The following ADIPOR2 variants were observed in gnomAD, a reference collection of about 807,000 sequenced individuals.
The protein encoded by ADIPOR2 is adiponectin receptor protein 2.
A neutral mutation model predicts 40.9 loss-of-function variants in ADIPOR2; 18 were observed. The observed-to-expected ratio is 0.44, with a 90% CI of 0.30 to 0.65. ADIPOR2 has a LOEUF of 0.65. Among genes scored for constraint, ADIPOR2 ranks in the 30% least tolerant of loss-of-function variants. ADIPOR2 has a pLI of 0.09. For missense variants in ADIPOR2, 283 were observed against 479.2 expected, an observed-to-expected ratio of 0.59 and a Z score of 3.82; for synonymous variants, 165 against 166.4, an observed-to-expected ratio of 0.99 and a Z score of 0.06.
chr12:1,719,391 G>A (rs2094693562), intron 1 of ADIPOR2, among the ~76,000 whole-genome samples: 1 of 152,130 alleles, frequency 6.6e-6, no homozygotes, highest in Non-Finnish European at 1.5e-5. Flanking sequence ...AACAGTTTAT[G>A]GCTCATTCAG....
chr12:1,784,243 T>G (rs570115231), intron 7 of ADIPOR2, among the ~76,000 whole-genome samples, 170 bp downstream of exon 7: 5 of 152,332 alleles, frequency 3.3e-5, no homozygotes, highest in African/African-American at 1.2e-4. Context: ...TAACTAACAT[T>G]TAGTGAGCAC....
At chr12:1,758,123 A>G in intron 2 of ADIPOR2, 2 of 474,692 alleles carry the variant, frequency 4.2e-6, no homozygotes, top group East Asian at 3.6e-5. Context: ...TTGTAATACT[A>G]TATATTTTTG....
chr12:1,749,186 C>T lies in ADIPOR2; in HGVS notation c.-86-5072C>T, dbSNP rs1012329548. Among the ~76,000 whole-genome samples, 4 of 152,198 alleles carry T rather than the reference C, an allele frequency of 2.6e-5. No homozygotes were observed. The East Asian group carries it at 7.7e-4, about 29-fold the overall frequency. ...GGAAGGGGTGTGAAACTTTCATGTC[C>T]TCCCTGGATGCTCCACCCACCAGGA... is the stretch of plus-strand genomic sequence containing the variant. On this transcript the variant is annotated intron_variant, in intron 1 of 7. Transcript: ENST00000357103.
intron 1 of ADIPOR2, among the ~76,000 whole-genome samples, chr12:1,741,536 C>T (rs1011230926): frequency 1.3e-5 from 2 of 152,054 alleles, no homozygotes; most frequent in African/African-American, 4.8e-5. Context: ...TAGATGATTG[C>T]TGCAGCAGCA....
At chr12:1,773,518 T>A in intron 3 of ADIPOR2, among the ~76,000 whole-genome samples, 1 of 23,518 alleles carries the variant, frequency 4.3e-5, no homozygotes, top group Admixed American at 5.1e-4. Flanking sequence ...ATGGGATTCT[T>A]TTTTTTTTTT....
At chr12:1,774,915 G>A (rs1444452940) in intron 3 of ADIPOR2, among the ~76,000 whole-genome samples, 1 of 127,374 alleles carries the variant, frequency 7.9e-6, no homozygotes, top group Non-Finnish European at 1.7e-5. Context: ...ATGTTGGCCA[G>A]GATGGTCTCC....
intron 1 of ADIPOR2, among the ~76,000 whole-genome samples, chr12:1,694,272 C>T (rs1337912207): frequency 6.6e-6 from 1 of 152,210 alleles, no homozygotes; most frequent in East Asian, 1.9e-4. Flanking sequence ...AGAGCCTCTA[C>T]TTACATTATT....
At chr12:1,766,850 G>A (rs1041836000) in intron 2 of ADIPOR2, among the ~76,000 whole-genome samples, 3 of 152,074 alleles carry the variant, frequency 2.0e-5, no homozygotes, top group Admixed American at 6.5e-5. Context: ...CTGTTAAACT[G>A]GTTTACTTTA....
rs189338046 is a variant in ADIPOR2, at chr12:1,742,560, G to C, written c.-86-11698G>C. ...ATCCTTTGGTATCCATGGGGGATTG[G>C]TTCCAGGACCTCCCATGGATACCAA... On this transcript the variant is annotated intron_variant, in intron 1 of 7. Transcript: ENST00000357103. Among the ~76,000 whole-genome samples the C allele has an allele frequency of 3.3e-3, 497 of 152,278 alleles. 4 individuals carry two copies. The highest frequency in any genetic ancestry group is 9.1e-3 in the South Asian group (44 of 4,828).
intron 1 of ADIPOR2, among the ~76,000 whole-genome samples, chr12:1,744,341 T>C (rs533221286): frequency 4.6e-5 from 7 of 152,280 alleles, no homozygotes; most frequent in Non-Finnish European, 2.9e-5. Flanking sequence ...CCTGACATTG[T>C]GATCTGCCCG....
At chr12:1,709,367 A>C (rs2094671420) in intron 1 of ADIPOR2, among the ~76,000 whole-genome samples, 1 of 152,068 alleles carries the variant, frequency 6.6e-6, no homozygotes, top group Non-Finnish European at 1.5e-5. Flanking sequence ...TTACATGGGA[A>C]TTTTTTTAAA....
intron 3 of ADIPOR2, among the ~76,000 whole-genome samples, chr12:1,774,798 G>A (rs547633997): frequency 2.6e-5 from 4 of 152,304 alleles, no homozygotes; most frequent in Admixed American, 6.5e-5. Context: ...TCCAACTCCC[G>A]GGTTCAAGTG....
Position 1,755,904 on chromosome 12 carries a change from T to C in ADIPOR2, c.171+1390T>C, listed in dbSNP as rs189880463. Among the ~76,000 whole-genome samples, 209 of 152,262 alleles carry C rather than the reference T, an allele frequency of 1.4e-3. 1 individual carries two copies. The highest frequency in any genetic ancestry group is 4.8e-3 in the African/African-American group (201 of 41,566). The stretch of plus-strand genomic sequence containing the variant: ...AAATTGTTTTAGTTTTATATAGTTA[T>C]GTATATAAATATGAATAATAATATG... On this transcript the variant is annotated intron_variant, in intron 2 of 7. Transcript: ENST00000357103.
At chr12:1,695,467 A>G (rs1447033387) in intron 1 of ADIPOR2, among the ~76,000 whole-genome samples, 2 of 151,970 alleles carry the variant, frequency 1.3e-5, no homozygotes, top group African/African-American at 4.8e-5. Flanking sequence ...CAGCCTGGCC[A>G]ACATGAATGA....
chr12:1,701,197 A>G (rs2094649629), intron 1 of ADIPOR2, among the ~76,000 whole-genome samples: 2 of 145,436 alleles, frequency 1.4e-5, no homozygotes, highest in African/African-American at 5.1e-5. Flanking sequence ...GGGTATGATC[A>G]TGGCTCACTG....
intron 1 of ADIPOR2, among the ~76,000 whole-genome samples, chr12:1,703,538 C>T (rs1023719309): frequency 6.6e-6 from 1 of 151,920 alleles, no homozygotes; most frequent in Admixed American, 6.6e-5. Context: ...GGGTTCGAGA[C>T]CAACCTGGGC....
At chr12:1,783,092 C>A (rs1264494769) in intron 6 of ADIPOR2, among the ~76,000 whole-genome samples, 1 of 150,228 alleles carries the variant, frequency 6.7e-6, no homozygotes, top group Non-Finnish European at 1.5e-5. Flanking sequence ...CTCGGCCTCC[C>A]AAAGTGCTGG....
chr12:1,786,220 T>A lies in ADIPOR2; in HGVS notation c.*148T>A. On this transcript the variant is annotated 3_prime_UTR_variant, in exon 8 of 8. Transcript: ENST00000357103. ...GTGACGGCCCAGTGGCTCTGCGTGGTACATGACTGAGAAGAGAAAAACAAA... is the reference window on the plus strand; with the variant it reads ...GTGACGGCCCAGTGGCTCTGCGTGGAACATGACTGAGAAGAGAAAAACAAA... 1.0e-6 allele frequency: 1 copy of A among 1,001,156 alleles called. No individual in the cohort carries two copies. Among genetic ancestry groups the A allele is most frequent in the Non-Finnish European group, 1.4e-6 (1 of 696,132 alleles). The allele number at this position is 1,001,156 out of a possible 1,614,324, so 62.0% of individuals were successfully genotyped here.
chr12:1,692,741 A>G (rs1417675920), intron 1 of ADIPOR2, among the ~76,000 whole-genome samples: 1 of 135,072 alleles, frequency 7.4e-6, no homozygotes. Context: ...TTTTTTTTTT[A>G]GTATAAATCA....
Sources: gnomAD v4.1 joint callset for allele counts (sites outside exome capture counted in the v4.1 genomes callset) on GRCh38, gnomAD v4.1.1 for gene constraint, MANE v1.5 for transcripts, NCBI Gene and HGNC (gene_info 2026-07-23, HGNC 2026-07-21) for gene names.